The following DBX2 variants were observed in gnomAD, a reference collection of about 807,000 sequenced individuals.
DBX2 encodes the protein homeobox protein DBX2.
Under a neutral mutation model 17.7 loss-of-function variants are expected in DBX2, and 16 were observed. The ratio of observed to expected loss-of-function variants is 0.90; its 90% confidence interval spans 0.61 to 1.37. The LOEUF (loss-of-function observed/expected upper bound fraction) is 1.37. Among genes scored for constraint, DBX2 ranks in the 40% most tolerant of loss-of-function variants. DBX2 has a pLI of 0.00. For missense variants in DBX2, 538 were observed against 433.8 expected (o/e 1.24, Z -2.13); for synonymous variants, 255 against 183.8 (o/e 1.39, Z -3.13).
intron 1 of DBX2, among the ~76,000 whole-genome samples, chr12:45,038,313 T>A (rs12313452): frequency 0.1 from 13,569 of 130,966 alleles, 1,314 homozygotes; most frequent in East Asian, 0.33. Flanking sequence ...TGTTGTTGTC[T>A]TTTGAGGTAA....
At chr12:45,045,552 T>C (rs1000598915) in intron 1 of DBX2, among the ~76,000 whole-genome samples, 2 of 152,160 alleles carry the variant, frequency 1.3e-5, no homozygotes, top group Middle Eastern at 3.2e-3. Context: ...AAATATCTTC[T>C]TACAGGAAAA....
intron 2 of DBX2, among the ~76,000 whole-genome samples, chr12:45,028,715 G>A (rs1946394150): frequency 6.6e-6 from 1 of 152,120 alleles, no homozygotes; most frequent in Non-Finnish European, 1.5e-5. Context: ...AAGGGTCAAA[G>A]GGTTAACTAC....
chr12:45,049,237 A>C (rs954835083), intron 1 of DBX2, among the ~76,000 whole-genome samples: 4 of 152,242 alleles, frequency 2.6e-5, no homozygotes, highest in Non-Finnish European at 5.9e-5. Context: ...CAAATCAACA[A>C]ATTTTCTGGA....
At chr12:45,032,267 T>C (rs185502293) in intron 2 of DBX2, among the ~76,000 whole-genome samples, 14 of 152,320 alleles carry the variant, frequency 9.2e-5, no homozygotes, top group Admixed American at 7.8e-4. Context: ...AACTCGATTA[T>C]GTTTTAGACA....
chr12:45,045,125 C>G (rs1276297383), intron 1 of DBX2, among the ~76,000 whole-genome samples: 1 of 152,066 alleles, frequency 6.6e-6, no homozygotes, highest in Non-Finnish European at 1.5e-5. Context: ...CATATTGTTT[C>G]ATTTTACAAC....
At chr12:45,018,838 C>T (rs1368384079) in intron 3 of DBX2, among the ~76,000 whole-genome samples, 2 of 152,022 alleles carry the variant, frequency 1.3e-5, no homozygotes, top group Admixed American at 6.6e-5. Flanking sequence ...CTGGCACATG[C>T]TACAACAGAA....
intron 1 of DBX2, among the ~76,000 whole-genome samples, chr12:45,049,745 G>T (rs1343303827): frequency 6.6e-6 from 1 of 151,722 alleles, no homozygotes; most frequent in Non-Finnish European, 1.5e-5. Flanking sequence ...ATTTCAGGAA[G>T]CCCTACATAA....
chr12:45,020,221 C>A (rs1032254339), intron 3 of DBX2, among the ~76,000 whole-genome samples: 3 of 152,124 alleles, frequency 2.0e-5, no homozygotes, highest in African/African-American at 2.4e-5. Context: ...CAGCCCTAAG[C>A]AGATTCATCT....
At chr12:45,042,553 T>C (rs1344030396) in intron 1 of DBX2, among the ~76,000 whole-genome samples, 1 of 152,206 alleles carries the variant, frequency 6.6e-6, no homozygotes, top group African/African-American at 2.4e-5. Flanking sequence ...GCAATGTGGC[T>C]AGAAGAGTTA....
chr12:45,028,308 A>G (rs1946392063), intron 2 of DBX2, among the ~76,000 whole-genome samples: 1 of 152,234 alleles, frequency 6.6e-6, no homozygotes, highest in South Asian at 2.1e-4. Flanking sequence ...GCAACCTAGC[A>G]TTTTAGAAAG....
In DBX2 at chr12:45,026,673, T is replaced by C. The variant is rs535759901; in HGVS notation, c.500-2779A>G. On this transcript the variant is annotated intron_variant, in intron 2 of 3. Coordinates refer to ENST00000332700, the MANE Select transcript of DBX2 (RefSeq NM_001004329.3). ...TTCCTTTTCTATTTGTCTAAAAGAT[T>C]ACAAACATCTCCTGGCTAAGCCCTG... Among the ~76,000 whole-genome samples the C allele has an allele frequency of 3.3e-5, 5 of 152,362 alleles. No individual in the cohort carries two copies. In the East Asian group the frequency reaches 9.6e-4, roughly 29 times the overall value.
chr12:45,050,773 G>T lies in DBX2; in HGVS notation c.155C>A (p.Pro52His). 6.6e-7 allele frequency: 1 copy of T among 1,513,504 alleles called. No homozygotes were observed. The highest frequency in any genetic ancestry group is 8.8e-7 in the Non-Finnish European group (1 of 1,132,198). The allele number at this position is 1,513,504 out of a possible 1,614,324, so 93.8% of individuals were successfully genotyped here. A position where few individuals can be genotyped will look rare whatever the true frequency, so the allele number is the denominator to read the frequency against. The change falls in exon 1 of 4, where the codon CCC (proline) becomes CAC (histidine). Residue 52 changes from proline to histidine, a missense_variant. Transcript: ENST00000332700. ...NLLRVGGAPT[P>H]RLQPPAPHDP... ...GTGGGGCGCGGGCGGCTGCAGCCTG[G>T]GCGTTGGGGCGCCCCCGACCCGCAG... is the stretch of plus-strand genomic sequence containing the variant.
At chr12:45,039,846 C>A (rs1294771497) in intron 1 of DBX2, among the ~76,000 whole-genome samples, 1 of 151,572 alleles carries the variant, frequency 6.6e-6, no homozygotes, top group Non-Finnish European at 1.5e-5. Context: ...AGACCCTGGA[C>A]AACTGACACA....
intron 2 of DBX2, among the ~76,000 whole-genome samples, chr12:45,029,863 TA>T (rs142217508): frequency 0.37 from 45,461 of 124,490 alleles, 8,286 homozygotes; most frequent in Non-Finnish European, 0.47. Flanking sequence ...GACTCCATCT[TA>T]AAAAAAAAAT....
intron 3 of DBX2, among the ~76,000 whole-genome samples, chr12:45,022,060 T>C (rs1008323746): frequency 6.6e-6 from 1 of 152,164 alleles, no homozygotes; most frequent in Non-Finnish European, 1.5e-5. Context: ...CTTTGTGATA[T>C]AGACAGAATT....
chr12:45,035,980 G>A (rs1202831062), intron 2 of DBX2, 39 bp downstream of exon 2: 1 of 1,576,078 alleles, frequency 6.3e-7, no homozygotes, highest in South Asian at 1.2e-5. Flanking sequence ...TTGGTTTACA[G>A]AATAACTGAG....
At chr12:45,020,888 T>C (rs1477390922) in intron 3 of DBX2, among the ~76,000 whole-genome samples, 1 of 152,070 alleles carries the variant, frequency 6.6e-6, no homozygotes, top group Admixed American at 6.6e-5. Context: ...ATACATGATG[T>C]GTCAAAAATT....
At position 45,050,893 on chromosome 12, in the gene DBX2, G is replaced by A. The variant is rs1234999587; in HGVS notation, c.35C>T (p.Ala12Val). 2 of 1,519,512 alleles carry A rather than the reference G, an allele frequency of 1.3e-6. No individual in the cohort carries two copies. Among genetic ancestry groups the A allele is most frequent in the Non-Finnish European group, 8.8e-7 (1 of 1,136,184 alleles). 94.1% of individuals were successfully genotyped at this position (1,519,512 alleles called of 1,614,324 possible). A position where few individuals can be genotyped will look rare whatever the true frequency, so the allele number is the denominator to read the frequency against. The change falls in exon 1 of 4, where the codon GCG becomes GTG. Residue 12 changes from alanine (A) to valine (V), a missense_variant. By Grantham distance (64) the Ala-to-Val change is moderately conservative. Transcript: ENST00000332700. ...LPSAVAAHAG[A>V]YWDVVASSAL... is the part of the protein sequence containing the mutation. The stretch of plus-strand genomic sequence containing the variant: ...GGAGGAAGCCACAACGTCCCAGTAC[G>A]CACCGGCGTGGGCTGCGACCGCGCT...
At chr12:45,026,067 A>G (rs556905918) in intron 2 of DBX2, among the ~76,000 whole-genome samples, 1 of 152,222 alleles carries the variant, frequency 6.6e-6, no homozygotes, top group Admixed American at 6.5e-5. Context: ...AGTTGTCCAC[A>G]TTTAAAAAGC....
Sources: allele counts gnomAD v4.1 joint callset (sites outside exome capture counted in the v4.1 genomes callset), GRCh38; gene constraint gnomAD v4.1.1; transcripts MANE v1.5; gene names NCBI Gene and HGNC (gene_info 2026-07-23, HGNC 2026-07-21).